CRPPA: variants seen among roughly 807,000 people sequenced by gnomAD.
CRPPA encodes the protein CDP-L-ribitol pyrophosphorylase A, also known as D-ribitol-5-phosphate cytidylyltransferase.
CRPPA carries 43 observed loss-of-function variants against 52.0 expected under a neutral mutation model. The observed-to-expected ratio is 0.83, with a 90% CI of 0.65 to 1.07. CRPPA has a LOEUF of 1.07. Among genes scored for constraint, CRPPA ranks in the 50% least tolerant of loss-of-function variants. CRPPA has a pLI of 0.00. For missense variants in CRPPA, 629 were observed against 551.7 expected, an observed-to-expected ratio of 1.14 and a Z score of -1.40; for synonymous variants, 250 against 203.5, an observed-to-expected ratio of 1.23 and a Z score of -1.94.
intron 5 of CRPPA, among the ~76,000 whole-genome samples, chr7:16,295,806 TG>T (rs2128421623): frequency 1.3e-5 from 2 of 152,234 alleles, no homozygotes; most frequent in South Asian, 4.1e-4. Context: ...AGAGCAGACT[TG>T]GGTGGGCTCA....
rs1230354705 is a variant in CRPPA at position 16,376,169 on chromosome 7, G to A, written c.607C>T (p.Leu203=). The A allele has an allele frequency of 1.2e-6, 2 of 1,613,354 alleles. No individual in the cohort carries two copies. Among genetic ancestry groups the A allele is most frequent in the Non-Finnish European group, 1.7e-6 (2 of 1,179,612 alleles). The change falls in exon 3 of 10, where the codon CTA becomes TTA. Residue 203 remains leucine (L), a synonymous_variant. Coordinates refer to ENST00000407010, the MANE Select transcript of CRPPA (RefSeq NM_001101426.4). ...PSADGCLDYS[L]ERARHRASEM... Reference sequence around the variant, plus strand: ...CTTGCTCTGTGTCTGGCACGTTCTAGCGAGTAGTCTAAGCAACCATCAGCA... The same window carrying A: ...CTTGCTCTGTGTCTGGCACGTTCTAACGAGTAGTCTAAGCAACCATCAGCA...
intron 3 of CRPPA, among the ~76,000 whole-genome samples, chr7:16,350,022 G>A (rs755396815): frequency 7.9e-5 from 12 of 151,880 alleles, no homozygotes; most frequent in Non-Finnish European, 1.5e-4. Flanking sequence ...AGTTGTTAGA[G>A]ACATGTGAGC....
At chr7:16,363,193 T>A (rs924664184) in intron 3 of CRPPA, among the ~76,000 whole-genome samples, 3 of 152,156 alleles carry the variant, frequency 2.0e-5, no homozygotes, top group African/African-American at 7.2e-5. Context: ...TCTATTGGAA[T>A]TTCAATAATG....
chr7:16,318,993 T>G (rs1426320036), intron 3 of CRPPA, among the ~76,000 whole-genome samples: 1 of 152,200 alleles, frequency 6.6e-6, no homozygotes, highest in Non-Finnish European at 1.5e-5. Flanking sequence ...AGAAGACTTT[T>G]GTCCTTCTTC....
chr7:16,399,200 G>A (rs1474344248), intron 2 of CRPPA, among the ~76,000 whole-genome samples: 1 of 152,220 alleles, frequency 6.6e-6, no homozygotes, highest in Non-Finnish European at 1.5e-5. Context: ...CGACTGACAT[G>A]ACCAACACAT....
At chr7:16,118,258 G>A (rs1782417331) in intron 9 of CRPPA, among the ~76,000 whole-genome samples, 1 of 152,168 alleles carries the variant, frequency 6.6e-6, no homozygotes, top group Non-Finnish European at 1.5e-5. Context: ...TGTGGAAGGT[G>A]GTGGTCTTAC....
Position 16,258,961 on chromosome 7 carries a change from G to A in CRPPA, c.985C>T (p.Gln329Ter). The A allele has an allele frequency of 6.2e-7, 1 of 1,611,138 alleles. No homozygotes were observed. Among genetic ancestry groups the A allele is most frequent in the Non-Finnish European group, 8.5e-7 (1 of 1,178,346 alleles). ...ALGHAGRHLQQIILDQCYNFV... is the reference protein window; with the variant it reads ...ALGHAGRHLQ ...TTGTAGCATTGATCTAAGATGATTT[G>A]CTGAAGATGTCTGCCAGCATGACCC... The change falls in exon 7 of 10, where the codon CAA (glutamine) becomes TAA (stop). Residue 329 changes from glutamine to a stop codon, truncating the protein, a stop_gained. Coordinates refer to ENST00000407010, the MANE Select transcript of CRPPA (RefSeq NM_001101426.4). LOFTEE classifies it high-confidence loss of function.
intron 8 of CRPPA, among the ~76,000 whole-genome samples, chr7:16,256,429 T>C (rs1783642204): frequency 6.6e-6 from 1 of 152,132 alleles, no homozygotes; most frequent in African/African-American, 2.4e-5. Context: ...ACCCAAAGGA[T>C]TATAAATCAT....
Position 16,216,179 on chromosome 7 carries a change from T to G in CRPPA, c.1138A>C (p.Lys380Gln). Residue 380 changes from lysine to glutamine, a missense_variant, in exon 9 of 10, where the codon AAA becomes CAA. Transcript: ENST00000407010. ...ATTTTCTGACTGGGAGGTACTAATT[T>G]AAAATCAAGAAAATGAACCTGCAAA... ...VVVSVHFLDF[K>Q]LVPPSQKMEN... 2 of 1,577,102 alleles carry G rather than the reference T, an allele frequency of 1.3e-6. No homozygotes were observed. Among genetic ancestry groups the G allele is most frequent in the Non-Finnish European group, 1.7e-6 (2 of 1,155,824 alleles).
At chr7:16,241,468 TA>T (rs1403510863) in intron 8 of CRPPA, among the ~76,000 whole-genome samples, 1 of 152,120 alleles carries the variant, frequency 6.6e-6, no homozygotes. Flanking sequence ...ATTATCTAGA[TA>T]ATTACAGTAA....
At chr7:16,329,489 A>C (rs1046171461) in intron 3 of CRPPA, among the ~76,000 whole-genome samples, 1 of 152,172 alleles carries the variant, frequency 6.6e-6, no homozygotes, top group Non-Finnish European at 1.5e-5. Context: ...TTCAGAATAC[A>C]ATCAGGCCTT....
At chr7:16,302,055 G>C (rs1460808966) in intron 4 of CRPPA, among the ~76,000 whole-genome samples, 1 of 152,034 alleles carries the variant, frequency 6.6e-6, no homozygotes, top group Non-Finnish European at 1.5e-5. Context: ...GCAACCTCTT[G>C]GGAGGCCAAG....
intron 3 of CRPPA, among the ~76,000 whole-genome samples, chr7:16,353,621 G>A (rs752362887): frequency 2.0e-5 from 3 of 152,102 alleles, no homozygotes; most frequent in South Asian, 2.1e-4. Context: ...AGGCCAAGGC[G>A]GGTGGATCAC....
chr7:16,163,352 T>C (rs1303530359), intron 9 of CRPPA, among the ~76,000 whole-genome samples: 1 of 151,946 alleles, frequency 6.6e-6, no homozygotes, highest in East Asian at 1.9e-4. Flanking sequence ...TTTTTTTTTT[T>C]CTTTCCATTT....
intron 8 of CRPPA, among the ~76,000 whole-genome samples, chr7:16,233,185 C>A (rs1205957002): frequency 1.3e-5 from 2 of 151,862 alleles, no homozygotes; most frequent in South Asian, 4.2e-4. Context: ...AACAGACCAC[C>A]AGTGAGATAT....
chr7:16,171,591 C>G (rs1321473994), intron 9 of CRPPA, among the ~76,000 whole-genome samples: 1 of 151,986 alleles, frequency 6.6e-6, no homozygotes, highest in Admixed American at 6.6e-5. Context: ...AAGGTGAAAC[C>G]CCGTCTCTAC....
intron 9 of CRPPA, among the ~76,000 whole-genome samples, chr7:16,173,781 T>C (rs999830748): frequency 2.6e-5 from 4 of 152,060 alleles, no homozygotes; most frequent in African/African-American, 9.7e-5. Flanking sequence ...GAGAATAGAT[T>C]GAGATATACC....
chr7:16,101,783 T>C (rs1241565640), intron 9 of CRPPA, among the ~76,000 whole-genome samples: 1 of 151,928 alleles, frequency 6.6e-6, no homozygotes, highest in Non-Finnish European at 1.5e-5. Flanking sequence ...AGAACTACAA[T>C]CCACTGCTCA....
In CRPPA at chr7:16,253,311, T is replaced by A. The variant is rs533007019; in HGVS notation, c.1119+5079A>T. On this transcript the variant is annotated intron_variant, in intron 8 of 9. Transcript: ENST00000407010. The stretch of plus-strand genomic sequence containing the variant: ...GATATTCTGGCATGCGGTGTCTTTG[T>A]TCTCATTGATTTCAAAGAACATCTG... Among the ~76,000 whole-genome samples the A allele has an allele frequency of 7.9e-5, 12 of 152,340 alleles. No homozygotes were observed. In the South Asian group the frequency reaches 2.5e-3, roughly 32 times the overall value.
Sources: allele counts gnomAD v4.1 joint callset (sites outside exome capture counted in the v4.1 genomes callset), GRCh38; gene constraint gnomAD v4.1.1; transcripts MANE v1.5; gene names NCBI Gene and HGNC (gene_info 2026-07-23, HGNC 2026-07-21).